The following MCC variants were observed in gnomAD, a reference collection of about 807,000 sequenced individuals.
The protein encoded by MCC is colorectal mutant cancer protein.
A neutral mutation model predicts 116.2 loss-of-function variants in MCC; 90 were observed. The ratio of observed to expected loss-of-function variants is 0.77; its 90% CI spans 0.65 to 0.92. The LOEUF is 0.92. Ranked by LOEUF, MCC falls within the 40% of genes least tolerant of loss-of-function variation. The pLI is 0.00. For missense variants in MCC, 1,516 were observed against 1,312.2 expected (o/e 1.16, Z -2.40); for synonymous variants, 578 against 510.5 (o/e 1.13, Z -1.78).
intron 11 of MCC, among the ~76,000 whole-genome samples, chr5:113,076,855 G>T (rs1754492523): frequency 6.6e-6 from 1 of 152,182 alleles, no homozygotes; most frequent in Admixed American, 6.5e-5. Flanking sequence ...AAAAGACACA[G>T]ACTGGCAAAT....
At chr5:113,333,452 T>C (rs1182942893) in intron 3 of MCC, among the ~76,000 whole-genome samples, 2 of 151,654 alleles carry the variant, frequency 1.3e-5, no homozygotes, top group African/African-American at 4.9e-5. Context: ...CTATGTCAGT[T>C]TTTTAATTCG....
In MCC at chr5:113,122,782, C is replaced by T. The variant is rs148748929; in HGVS notation, c.929G>A (p.Ser310Asn). 516 of 1,614,154 alleles carry T rather than the reference C, an allele frequency of 3.2e-4. No homozygotes were observed. In the African/African-American group the frequency reaches 5.9e-3, roughly 19 times the overall value. ...YSELRSELSQ[S>N]QHEVNEDSRS... ...AGAGTCCTCGTTGACCTCGTGTTGG[C>T]TCTGGCTGAGTTCTGATCGCAGTTC... The change falls in exon 6 of 19, where the codon AGC becomes AAC. Residue 310 changes from serine (S) to asparagine (N), a missense_variant. Coordinates refer to ENST00000408903, the MANE Select transcript of MCC (RefSeq NM_001085377.2).
intron 1 of MCC, among the ~76,000 whole-genome samples, chr5:113,391,457 G>A (rs577593762): frequency 8.8e-4 from 134 of 152,280 alleles, no homozygotes; most frequent in African/African-American, 3.2e-3. Context: ...GTTCATGCCT[G>A]TAATCCCAGC....
chr5:113,253,112 T>C (rs1256612238), intron 3 of MCC, among the ~76,000 whole-genome samples: 3 of 152,066 alleles, frequency 2.0e-5, no homozygotes, highest in Non-Finnish European at 4.4e-5. Flanking sequence ...CTGGGGCACA[T>C]AAATGGACTA....
intron 3 of MCC, among the ~76,000 whole-genome samples, chr5:113,249,158 C>T (rs1764694137): frequency 1.3e-5 from 2 of 152,004 alleles, no homozygotes; most frequent in South Asian, 4.2e-4. Context: ...CTCTCTCTCT[C>T]TCTAAACAAT....
chr5:113,383,407 C>T (rs111699858), intron 2 of MCC, among the ~76,000 whole-genome samples: 3,644 of 152,028 alleles, frequency 0.024, 56 homozygotes, highest in Middle Eastern at 0.044. Context: ...TGCAAACTTA[C>T]GAATCATGCT....
At chr5:113,321,420 A>G (rs2165928) in intron 3 of MCC, among the ~76,000 whole-genome samples, 91,848 of 152,108 alleles carry the variant, frequency 0.6, 29,957 homozygotes, top group African/African-American at 0.85. Context: ...AGGGAGGAAA[A>G]TGATCAGGAA....
rs34696815 is a variant in MCC, at chr5:113,433,978, C to A, written c.171-48766G>T. On this transcript the variant is annotated intron_variant, in intron 1 of 18. Transcript: ENST00000408903. ...GGTTCAGTTCCCCGGGAACTCTCCC[C>A]CTCCTTGTTGATGGCCACAGAGGGA... 6.8e-3 allele frequency: 11,022 copies of A among 1,614,006 alleles called. 64 individuals are homozygous for A. Among genetic ancestry groups the A allele is most frequent in the Non-Finnish European group, 8.3e-3 (9,783 of 1,179,880 alleles).
rs530191677 is a variant in MCC, at chr5:113,315,484, C to G, written c.627+25035G>C. Among the ~76,000 whole-genome samples the G allele has an allele frequency of 9.1e-4, 139 of 152,228 alleles. 3 individuals are homozygous for G. The South Asian group carries it at 0.028, about 31-fold the overall frequency. ...ACTTAATACTAAGTTCTGCTGCATA[C>G]AGCCAACATAGAAAGTCGTTTGAAT... On this transcript the variant is annotated intron_variant, in intron 3 of 18. Coordinates refer to ENST00000408903, the MANE Select transcript of MCC (RefSeq NM_001085377.2).
chr5:113,068,137 T>C lies in MCC; in HGVS notation c.1972A>G (p.Ser658Gly). 8.7e-6 allele frequency: 14 copies of C among 1,614,168 alleles called. No individual in the cohort carries two copies. Among genetic ancestry groups the C allele is most frequent in the Non-Finnish European group, 1.2e-5 (14 of 1,180,022 alleles). The change falls in exon 13 of 19, where the codon AGT becomes GGT. Residue 658 changes from serine to glycine, a missense_variant. Transcript: ENST00000408903. Reference protein sequence around the residue: ...AYELLLALAESEQSLILGQFR... With the variant: ...AYELLLALAEGEQSLILGQFR... The stretch of plus-strand genomic sequence containing the variant: ...TGCCCCAGGATGAGGCTCTGCTCAC[T>C]CTCTGCCAGCGCCAGGAGGAGTTCG...
At chr5:113,380,459 G>T (rs1323778371) in intron 2 of MCC, among the ~76,000 whole-genome samples, 1 of 152,162 alleles carries the variant, frequency 6.6e-6, no homozygotes, top group East Asian at 1.9e-4. Context: ...ACTGTGCACT[G>T]CACTTCCCTG....
intron 6 of MCC, among the ~76,000 whole-genome samples, chr5:113,119,214 T>C (rs905092967): frequency 3.3e-5 from 5 of 152,214 alleles, no homozygotes; most frequent in Non-Finnish European, 5.9e-5. Context: ...GCCTGCACTC[T>C]GGCATGACAG....
chr5:113,184,620 G>A (rs74764162), intron 3 of MCC, among the ~76,000 whole-genome samples: 9,090 of 151,422 alleles, frequency 0.06, 675 homozygotes, highest in African/African-American at 0.17. Context: ...GCACAACCAC[G>A]CCCAGCTTAT....
intron 2 of MCC, among the ~76,000 whole-genome samples, chr5:113,362,504 CCTTA>C (rs1206724898): frequency 4.6e-5 from 7 of 152,058 alleles, no homozygotes; most frequent in Non-Finnish European, 8.8e-5. Flanking sequence ...TCTTGCAGAT[CCTTA>C]CTTTCTTTCT....
At chr5:113,034,190 C>A (rs1473283516) in intron 17 of MCC, among the ~76,000 whole-genome samples, 4 of 151,852 alleles carry the variant, frequency 2.6e-5, no homozygotes, top group Admixed American at 6.6e-5. Flanking sequence ...CTGAGCAACT[C>A]CACCTGGTGG....
chr5:113,226,423 C>T (rs1763742612), intron 3 of MCC, among the ~76,000 whole-genome samples: 1 of 152,224 alleles, frequency 6.6e-6, no homozygotes, highest in Admixed American at 6.5e-5. Context: ...CATATCTGCA[C>T]AGGAGTGCAA....
At chr5:113,333,869 G>GTACATATATGTATATGTT (rs1767801951) in intron 3 of MCC, among the ~76,000 whole-genome samples, 1 of 113,788 alleles carries the variant, frequency 8.8e-6, no homozygotes, top group African/African-American at 3.4e-5. Context: ...ATGTATATAT[G>GTACATATATGTATATGTT]TATTCACATA....
intron 3 of MCC, among the ~76,000 whole-genome samples, chr5:113,190,115 T>G (rs976982661): frequency 2.0e-5 from 3 of 152,216 alleles, no homozygotes; most frequent in Admixed American, 2.0e-4. Context: ...TAAGGTCCCC[T>G]TATTTCCTGC....
chr5:113,241,868 C>T (rs1057054702), intron 3 of MCC, among the ~76,000 whole-genome samples: 2 of 152,116 alleles, frequency 1.3e-5, no homozygotes, highest in African/African-American at 4.8e-5. Context: ...TTGACAAACA[C>T]TTGGCTCCAA....
Sources: gnomAD v4.1 joint callset for allele counts (sites outside exome capture counted in the v4.1 genomes callset) on GRCh38, gnomAD v4.1.1 for gene constraint, MANE v1.5 for transcripts, NCBI Gene and HGNC (gene_info 2026-07-23, HGNC 2026-07-21) for gene names.